The following SOD1 variants were observed in gnomAD, a reference collection of about 807,000 sequenced individuals.
The protein encoded by SOD1 is superoxide dismutase 1, also known as superoxide dismutase [Cu-Zn].
Under a neutral mutation model 15.9 loss-of-function variants are expected in SOD1, and 8 were observed. The ratio of observed to expected loss-of-function variants is 0.50; its 90% CI spans 0.30 to 0.91. The LOEUF (loss-of-function observed/expected upper bound fraction) is 0.91. Ranked by LOEUF, SOD1 falls within the 40% of genes least tolerant of loss-of-function variation. The pLI, the probability that SOD1 is intolerant of heterozygous loss-of-function variation, is 0.07. For synonymous variants in SOD1, 86 were observed against 71.2 expected, an observed-to-expected ratio of 1.21 and a Z score of -1.04; for missense variants, 137 against 194.5, an observed-to-expected ratio of 0.70 and a Z score of 1.76.
In SOD1 at chr21:31,663,881, C is replaced by G. The variant is rs986277034; in HGVS notation, c.164C>G (p.Thr55Arg). The G allele has an allele frequency of 3.7e-6, 6 of 1,611,418 alleles. No individual in the cohort carries two copies. Among genetic ancestry groups the G allele is most frequent in the Non-Finnish European group, 4.2e-6 (5 of 1,177,632 alleles). Reference sequence around the variant, plus strand: ...CATGTTCATGAGTTTGGAGATAATACAGCAGGTGGGTGTTGTGCTGTGCTG... The same window carrying G: ...CATGTTCATGAGTTTGGAGATAATAGAGCAGGTGGGTGTTGTGCTGTGCTG... ...GFHVHEFGDNTAGCTSAGPHF... is the reference protein window; with the variant it reads ...GFHVHEFGDNRAGCTSAGPHF... Residue 55 changes from threonine (T) to arginine (R), a missense_variant, in exon 2 of 5, where the codon ACA becomes AGA. Transcript: ENST00000270142.
intron 2 of SOD1, 24 bp from the exon 3 acceptor site, chr21:31,666,425 T>G: frequency 6.3e-7 from 1 of 1,578,646 alleles, no homozygotes; most frequent in Non-Finnish European, 8.7e-7. Flanking sequence ...TAATTTAGCT[T>G]TTTTTTCTTC....
At chr21:31,667,559 G>T (rs2049606916) in intron 4 of SOD1, among the ~76,000 whole-genome samples, 184 bp downstream of exon 4, 1 of 152,180 alleles carries the variant, frequency 6.6e-6, no homozygotes, top group Non-Finnish European at 1.5e-5. Context: ...GGTCAGTTAA[G>T]AACACTGTTC....
intron 1 of SOD1, 59 bp from the exon 2 acceptor site, chr21:31,663,731 G>C: frequency 1.5e-6 from 2 of 1,330,496 alleles, no homozygotes; most frequent in Non-Finnish European, 2.2e-6. Context: ...GAGGGGTAAA[G>C]GTAAATCAGC....
intron 1 of SOD1, 199 bp downstream of exon 1, chr21:31,660,040 G>A (rs1374275661): frequency 3.0e-6 from 1 of 336,714 alleles, no homozygotes; most frequent in Non-Finnish European, 5.2e-6. Flanking sequence ...GCGGGCCCGG[G>A]CGCGGGGCGT....
chr21:31,660,968 T>TA (rs2049543863), intron 1 of SOD1, among the ~76,000 whole-genome samples: 1 of 152,244 alleles, frequency 6.6e-6, no homozygotes, highest in Admixed American at 6.5e-5. Flanking sequence ...ACGACTCTTG[T>TA]AAAATATACA....
intron 1 of SOD1, chr21:31,661,419 A>T (rs992603105): frequency 1.3e-5 from 2 of 152,474 alleles, no homozygotes; most frequent in Non-Finnish European, 2.9e-5. Context: ...GCTGGAGTGC[A>T]GTGGCGCGAT....
chr21:31,664,477 G>A (rs1305963577), intron 2 of SOD1: 1 of 161,322 alleles, frequency 6.2e-6, no homozygotes, highest in African/African-American at 2.4e-5. Flanking sequence ...ATTTGGTGTA[G>A]TGTGTCTTTA....
intron 1 of SOD1, among the ~76,000 whole-genome samples, chr21:31,662,781 G>A (rs1246418062): frequency 6.6e-6 from 1 of 152,170 alleles, no homozygotes; most frequent in Non-Finnish European, 1.5e-5. Context: ...TTGGGAGGCC[G>A]AGACGGGTGG....
Position 31,660,116 on chromosome 21 carries a change from C to T in SOD1, c.72+275C>T, listed in dbSNP as rs902164891. 7.6e-4 allele frequency: 130 copies of T among 170,650 alleles called. 1 individual carries two copies. The highest frequency in any genetic ancestry group is 1.3e-3 in the Admixed American group (21 of 15,786). The allele number at this position is 170,650 out of a possible 1,614,324, so 10.6% of individuals were successfully genotyped here. On this transcript the variant is annotated intron_variant, in intron 1 of 4. Transcript: ENST00000270142. Reference sequence around the variant, plus strand: ...GAGCGCGGGGAGGGATTGCCGCGGGCCGGGGAGGGGCGGGGGCGGGCGTGC... The same window carrying T: ...GAGCGCGGGGAGGGATTGCCGCGGGTCGGGGAGGGGCGGGGGCGGGCGTGC...
intron 1 of SOD1, chr21:31,660,457 C>G (rs1372890065): frequency 1.3e-5 from 2 of 152,276 alleles, no homozygotes; most frequent in African/African-American, 4.8e-5. Context: ...TTGTGTGACA[C>G]TTTGCAGGGA....
At chr21:31,667,881 T>G (rs1408686645) in intron 4 of SOD1, among the ~76,000 whole-genome samples, 6 of 152,222 alleles carry the variant, frequency 3.9e-5, no homozygotes, top group African/African-American at 1.2e-4. Flanking sequence ...TTACCTCCCC[T>G]TGAGGGCATT....
chr21:31,664,741 CCT>C lies in SOD1; in HGVS notation c.169+856_169+857del, dbSNP rs1424248285. ...TCATGCCATTCTCCTGCCTCAGCCC[CCT>C]GAGTAGCTGGGACTACAGGTGCCCG... On this transcript the variant is annotated intron_variant, in intron 2 of 4. Transcript: ENST00000270142. Among the ~76,000 whole-genome samples, 4 of 152,124 alleles carry C rather than the reference CCT, an allele frequency of 2.6e-5. No homozygotes were observed. The East Asian group carries it at 7.8e-4, about 30-fold the overall frequency.
intron 1 of SOD1, among the ~76,000 whole-genome samples, chr21:31,662,344 A>G (rs190987945): frequency 5.6e-4 from 86 of 152,398 alleles, no homozygotes; most frequent in African/African-American, 2.0e-3. Flanking sequence ...ACTTCATTTG[A>G]GCAATGATAT....
chr21:31,667,471 G>C (rs2049606121), intron 4 of SOD1, 96 bp downstream of exon 4: 2 of 928,342 alleles, frequency 2.2e-6, no homozygotes, highest in Non-Finnish European at 1.8e-6. Flanking sequence ...TAAAGATCCA[G>C]ATAAACTGTA....
At chr21:31,668,059 G>A (rs2049612649) in intron 4 of SOD1, among the ~76,000 whole-genome samples, 1 of 152,010 alleles carries the variant, frequency 6.6e-6, no homozygotes, top group Admixed American at 6.6e-5. Context: ...TTATAGGCCC[G>A]TCATTCATTT....
At position 31,668,595 on chromosome 21, in the gene SOD1, A is replaced by C; in HGVS notation, c.*17A>C. 6.4e-7 allele frequency: 1 copy of C among 1,550,674 alleles called. No individual in the cohort carries two copies. The highest frequency in any genetic ancestry group is 8.9e-7 in the Non-Finnish European group (1 of 1,121,950). On this transcript the variant is annotated 3_prime_UTR_variant, in exon 5 of 5. Transcript: ENST00000270142. The stretch of plus-strand genomic sequence containing the variant: ...GCCCAATAAACATTCCCTTGGATGT[A>C]GTCTGAGGCCCCTTAACTCATCTGT...
Position 31,668,503 on chromosome 21 carries a change from T to C in SOD1, c.390T>C (p.Gly130=), listed in dbSNP as rs1568811399. The C allele has an allele frequency of 1.9e-6, 3 of 1,613,928 alleles. No individual in the cohort carries two copies. The highest frequency in any genetic ancestry group is 2.5e-6 in the Non-Finnish European group (3 of 1,179,824). Reference sequence around the variant, plus strand: ...AAAAAGCAGATGACTTGGGCAAAGGTGGAAATGAAGAAAGTACAAAGACAG... The same window carrying C: ...AAAAAGCAGATGACTTGGGCAAAGGCGGAAATGAAGAAAGTACAAAGACAG... ...VHEKADDLGK[G]GNEESTKTGN... The change falls in exon 5 of 5, where the codon GGT becomes GGC. Residue 130 remains glycine (G), a synonymous_variant. Transcript: ENST00000270142.
intron 1 of SOD1, among the ~76,000 whole-genome samples, chr21:31,661,988 A>G (rs559905321): frequency 5.3e-4 from 81 of 152,320 alleles, no homozygotes; most frequent in African/African-American, 1.9e-3. Flanking sequence ...GCTTCTCTTG[A>G]AGAATTTTTG....
At chr21:31,659,951 C>T (rs1481195951) in intron 1 of SOD1, 110 bp downstream of exon 1, 2 of 1,107,792 alleles carry the variant, frequency 1.8e-6, no homozygotes, top group South Asian at 2.6e-5. Flanking sequence ...CGCCCTGGTC[C>T]AGCGCCCGGT....
Sources: allele counts gnomAD v4.1 joint callset (sites outside exome capture counted in the v4.1 genomes callset), GRCh38; gene constraint gnomAD v4.1.1; transcripts MANE v1.5; gene names NCBI Gene and HGNC (gene_info 2026-07-23, HGNC 2026-07-21).